KSR2: variants seen among roughly 807,000 people sequenced by gnomAD.
KSR2 encodes the protein kinase suppressor of ras 2.
KSR2 carries 25 observed loss-of-function variants against 107.8 expected under a neutral mutation model. The ratio of observed to expected loss-of-function variants is 0.23; its 90% CI spans 0.17 to 0.32. The LOEUF is 0.32. KSR2 is among the 10% of genes least tolerant of loss of function. KSR2 has a pLI of 1.00. For synonymous variants in KSR2, 480 were observed against 507.0 expected, an observed-to-expected ratio of 0.95 and a Z score of 0.71; for missense variants, 887 against 1,268.9, an observed-to-expected ratio of 0.70 and a Z score of 4.57.
intron 14 of KSR2, among the ~76,000 whole-genome samples, chr12:117,502,184 C>T (rs577136979): frequency 6.6e-6 from 1 of 152,364 alleles, no homozygotes; most frequent in East Asian, 1.9e-4. Flanking sequence ...CACATGAACA[C>T]ACATAAAGAC....
chr12:117,816,553 A>T (rs952343863), intron 3 of KSR2, among the ~76,000 whole-genome samples: 2 of 152,054 alleles, frequency 1.3e-5, no homozygotes, highest in African/African-American at 4.8e-5. Flanking sequence ...TCATCATAGA[A>T]CCCTAGGAAG....
chr12:117,831,552 T>C (rs1033928340), intron 3 of KSR2, among the ~76,000 whole-genome samples: 26 of 152,238 alleles, frequency 1.7e-4, no homozygotes, highest in African/African-American at 6.3e-4. Context: ...GCAAGACTGC[T>C]GGAAGGATTA....
chr12:117,689,288 G>T (rs1885719438), intron 4 of KSR2, among the ~76,000 whole-genome samples: 1 of 151,938 alleles, frequency 6.6e-6, no homozygotes, highest in Admixed American at 6.6e-5. Context: ...CAAAGGCCAT[G>T]CCAGGTGCAG....
intron 3 of KSR2, among the ~76,000 whole-genome samples, chr12:117,826,623 G>A (rs1246004475): frequency 6.6e-6 from 1 of 151,990 alleles, no homozygotes; most frequent in African/African-American, 2.4e-5. Flanking sequence ...AAGTGTGAAG[G>A]GTGACCTCTG....
At chr12:117,964,381 TA>T (rs1319460169) in intron 1 of KSR2, among the ~76,000 whole-genome samples, 1 of 152,216 alleles carries the variant, frequency 6.6e-6, no homozygotes, top group Admixed American at 6.5e-5. Context: ...TTCCCAAACT[TA>T]TTAACCACAG....
intron 1 of KSR2, among the ~76,000 whole-genome samples, chr12:117,943,440 C>A (rs1023269850): frequency 3.3e-4 from 45 of 138,396 alleles, no homozygotes; most frequent in Middle Eastern, 4.2e-3. Context: ...CCAGCCTGAA[C>A]CTGGGGACAT....
chr12:117,630,224 C>T (rs1446442271), intron 5 of KSR2, among the ~76,000 whole-genome samples: 1 of 152,182 alleles, frequency 6.6e-6, no homozygotes, highest in African/African-American at 2.4e-5. Context: ...AAACTGCAGG[C>T]CAACAGATGA....
At position 117,471,344 on chromosome 12, in the gene KSR2, G is replaced by A. The variant is rs114518037; in HGVS notation, c.2583-24C>T. On this transcript the variant is annotated intron_variant, in intron 17 of 19. Coordinates refer to ENST00000339824, the MANE Select transcript of KSR2 (RefSeq NM_173598.6). ...TGCTGTTGGCAGACGTTGTTAAAGG[G>A]GTGTTGGTGTGGTGTGTCACTTGCA... The A allele has an allele frequency of 1.9e-3, 3,041 of 1,607,820 alleles. 49 individuals are homozygous for A. The African/African-American group carries it at 0.034, about 18-fold the overall frequency.
At chr12:117,906,977 A>T (rs868509597) in intron 1 of KSR2, among the ~76,000 whole-genome samples, 2 of 151,936 alleles carry the variant, frequency 1.3e-5, no homozygotes, top group South Asian at 4.2e-4. Flanking sequence ...CCATGATCGC[A>T]CCACTGCACT....
intron 14 of KSR2, among the ~76,000 whole-genome samples, chr12:117,509,530 T>A (rs1292431589): frequency 6.6e-6 from 1 of 152,210 alleles, no homozygotes; most frequent in African/African-American, 2.4e-5. Flanking sequence ...CAAGATAGAA[T>A]AATAATCCAC....
At chr12:117,879,419 T>C (rs956236855) in intron 1 of KSR2, among the ~76,000 whole-genome samples, 10 of 152,270 alleles carry the variant, frequency 6.6e-5, no homozygotes, top group South Asian at 4.1e-4. Flanking sequence ...AGGCTAGGCA[T>C]ATTTATAAGT....
intron 1 of KSR2, among the ~76,000 whole-genome samples, chr12:117,936,530 T>TAGTAGTAG (rs1566089629): frequency 0.016 from 1,890 of 115,216 alleles, 20 homozygotes; most frequent in Non-Finnish European, 0.025. Context: ...ATTATTATTA[T>TAGTAGTAG]TATTAGTAGT....
In KSR2 at chr12:117,960,046, C is replaced by G. The variant is rs148150011; in HGVS notation, c.180+8030G>C. On this transcript the variant is annotated intron_variant, in intron 1 of 19. Coordinates refer to ENST00000339824, the MANE Select transcript of KSR2 (RefSeq NM_173598.6). ...ATCCTTTCCCTGCCCACTCCCTGCT[C>G]TCCAACCACAGTGGACTCCTTGGGG... 1.4e-4 allele frequency among the ~76,000 whole-genome samples: 21 copies of G among 152,280 alleles called. 1 individual carries two copies. In the East Asian group the frequency reaches 4.1e-3, roughly 29 times the overall value.
At chr12:117,615,400 T>G (rs1881821737) in intron 5 of KSR2, among the ~76,000 whole-genome samples, 1 of 152,158 alleles carries the variant, frequency 6.6e-6, no homozygotes, top group Admixed American at 6.5e-5. Flanking sequence ...CTTTGTTTTC[T>G]TTGCTACCAG....
intron 5 of KSR2, among the ~76,000 whole-genome samples, chr12:117,597,332 C>G (rs1297905066): frequency 6.6e-6 from 1 of 151,980 alleles, no homozygotes; most frequent in African/African-American, 2.4e-5. Context: ...ACTTTCACAC[C>G]AACATAATAC....
intron 4 of KSR2, among the ~76,000 whole-genome samples, chr12:117,743,108 G>A (rs1748007298): frequency 6.6e-6 from 1 of 152,166 alleles, no homozygotes; most frequent in African/African-American, 2.4e-5. Context: ...CCAGGCCAAG[G>A]GCCTGCTGCT....
At chr12:117,615,036 C>T (rs1342137140) in intron 5 of KSR2, among the ~76,000 whole-genome samples, 4 of 151,916 alleles carry the variant, frequency 2.6e-5, no homozygotes, top group African/African-American at 9.7e-5. Flanking sequence ...CTTCTCTTCT[C>T]ACCACAGCCA....
intron 4 of KSR2, among the ~76,000 whole-genome samples, chr12:117,717,666 G>GGT (rs55910019): frequency 0.021 from 3,072 of 144,324 alleles, 36 homozygotes; most frequent in Middle Eastern, 0.042. Context: ...GGGGCAGACA[G>GGT]GTGTGTGTGT....
intron 3 of KSR2, among the ~76,000 whole-genome samples, chr12:117,831,290 C>G (rs1356074033): frequency 2.0e-5 from 3 of 152,198 alleles, no homozygotes; most frequent in Non-Finnish European, 2.9e-5. Flanking sequence ...CAATTTCTTT[C>G]CCTCGAGGAG....
Sources: allele counts gnomAD v4.1 joint callset (sites outside exome capture counted in the v4.1 genomes callset), GRCh38; gene constraint gnomAD v4.1.1; transcripts MANE v1.5; gene names NCBI Gene and HGNC (gene_info 2026-07-23, HGNC 2026-07-21).